The following DMD variants were observed in gnomAD, a reference collection of about 807,000 sequenced individuals.
The protein encoded by DMD is mutant dystrophin.
DMD carries 63 observed loss-of-function variants against 330.1 expected under a neutral mutation model. That is an observed-to-expected ratio of 0.19 (90% CI 0.16 to 0.24). The LOEUF is 0.24. Among genes scored for constraint, DMD ranks in the 10% least tolerant of loss-of-function variants. The pLI, the probability that DMD is intolerant of heterozygous loss-of-function variation, is 1.00. For missense variants in DMD, 3,344 were observed against 2,684.1 expected (o/e 1.25, Z -5.43); for synonymous variants, 1,223 against 959.8 (o/e 1.27, Z -5.07).
At chrX:31,370,004 C>A (rs2059457860) in intron 60 of DMD, among the ~76,000 whole-genome samples, 1 of 105,971 alleles carries the variant, frequency 9.4e-6, no homozygotes, top group East Asian at 2.9e-4. Flanking sequence ...GAGGCTGAGG[C>A]AGGAGAATGG....
At chrX:32,169,297 A>G (rs1375996798) in intron 44 of DMD, among the ~76,000 whole-genome samples, 3 of 111,676 alleles carry the variant, frequency 2.7e-5, no homozygotes, top group African/African-American at 9.8e-5. Context: ...TTTAGAAATA[A>G]TTGCCTAGAC....
intron 60 of DMD, among the ~76,000 whole-genome samples, chrX:31,366,507 A>AAAAAAAAAAAAAT (rs1556574494): frequency 3.5e-5 from 3 of 85,913 alleles, no homozygotes; most frequent in Admixed American, 1.3e-4. Context: ...CATAAAAAAA[A>AAAAAAAAAAAAAT]AAATAAATAA....
chrX:33,109,498 A>G (rs1416500859), intron 1 of DMD, among the ~76,000 whole-genome samples: 1 of 111,925 alleles, frequency 8.9e-6, no homozygotes, highest in Non-Finnish European at 1.9e-5. Flanking sequence ...AGCCAAATAA[A>G]GCACACATTT....
At chrX:31,953,673 A>T (rs73213548) in intron 45 of DMD, among the ~76,000 whole-genome samples, 6,102 of 110,940 alleles carry the variant, frequency 0.055, 162 homozygotes, top group Non-Finnish European at 0.082. Context: ...ACTTCTAAGC[A>T]CCTACTCATG....
chrX:32,398,263 ACCC>A (rs149357713), intron 30 of DMD, among the ~76,000 whole-genome samples: 4 of 92,172 alleles, frequency 4.3e-5, no homozygotes, highest in African/African-American at 1.1e-4. Context: ...CTTTTTTTAA[ACCC>A]CCCCCCCCAA....
intron 1 of DMD, among the ~76,000 whole-genome samples, chrX:33,053,043 C>T (rs941883897): frequency 8.9e-6 from 1 of 111,758 alleles, no homozygotes; most frequent in Non-Finnish European, 1.9e-5. Context: ...ATCTTTTAGA[C>T]AATACTTTTT....
rs1276710051 is a variant in DMD, at chrX:32,998,228, G to A, written c.93+21911C>T. ...AGTAAAAAAAATAATAAATTAGCCCGGCATGGTGGTGCATGCCTGTAGCTA... is the reference window on the plus strand; with the variant it reads ...AGTAAAAAAAATAATAAATTAGCCCAGCATGGTGGTGCATGCCTGTAGCTA... On this transcript the variant is annotated intron_variant, in intron 2 of 78. Transcript: ENST00000357033. 1.0e-4 allele frequency among the ~76,000 whole-genome samples: 11 copies of A among 107,721 alleles called. 1 individual carries two copies. Among genetic ancestry groups the A allele is most frequent in the Admixed American group, 3.0e-4 (3 of 9,887 alleles). The allele number at this position is 107,721 out of a possible 115,157, so 93.5% of individuals were successfully genotyped here. A position where few individuals can be genotyped will look rare whatever the true frequency, so the allele number is the denominator to read the frequency against.
intron 6 of DMD, 53 bp from the exon 7 acceptor site, chrX:32,809,664 G>C: frequency 9.6e-7 from 1 of 1,037,293 alleles, no homozygotes; most frequent in Non-Finnish European, 1.4e-6. Context: ...AATCAATCTA[G>C]AATGTTCCAT....
At chrX:31,919,770 C>T (rs1000738409) in intron 47 of DMD, among the ~76,000 whole-genome samples, 2 of 112,140 alleles carry the variant, frequency 1.8e-5, no homozygotes, top group Non-Finnish European at 3.8e-5. Context: ...CAAATTTCTC[C>T]ATCAGGCCCT....
chrX:32,576,625 A>C (rs774219344), intron 13 of DMD, among the ~76,000 whole-genome samples: 2 of 79,542 alleles, frequency 2.5e-5, no homozygotes, highest in African/African-American at 3.6e-5. Flanking sequence ...CATGCAATTT[A>C]AAATTTATGA....
At chrX:32,102,427 A>G (rs1245240072) in intron 44 of DMD, among the ~76,000 whole-genome samples, 1 of 111,549 alleles carries the variant, frequency 9.0e-6, no homozygotes, top group Non-Finnish European at 1.9e-5. Context: ...AGGTGGATGA[A>G]GGACAGACTG....
intron 2 of DMD, among the ~76,000 whole-genome samples, chrX:32,935,025 C>T (rs2089887674): frequency 8.8e-6 from 1 of 113,278 alleles, no homozygotes; most frequent in Non-Finnish European, 1.9e-5. Context: ...CTTCCCCAGG[C>T]TGGAGCGCAG....
At chrX:32,556,087 A>T (rs1291765576) in intron 16 of DMD, among the ~76,000 whole-genome samples, 1 of 111,935 alleles carries the variant, frequency 8.9e-6, no homozygotes, top group Admixed American at 9.5e-5. Flanking sequence ...AATGGTCCAG[A>T]GTCTACAAGG....
intron 18 of DMD, among the ~76,000 whole-genome samples, chrX:32,507,943 T>G (rs909172769): frequency 9.0e-6 from 1 of 110,929 alleles, no homozygotes. Context: ...CAGCTTTCTT[T>G]CAGACATGCT....
At chrX:32,010,890 T>C (rs2095703035) in intron 44 of DMD, among the ~76,000 whole-genome samples, 1 of 112,345 alleles carries the variant, frequency 8.9e-6, no homozygotes, top group Non-Finnish European at 1.9e-5. Context: ...CTACAGGAGC[T>C]ACCCAATAAA....
rs370863207 is a variant in DMD, at chrX:31,163,875, G to A, written c.10553+5568C>T. ...GAGAAAACCAGAGTGAACACTGCAC[G>A]ACACTGTGTGAAGTAACCCCAACAA... On this transcript the variant is annotated intron_variant, in intron 74 of 78. Coordinates refer to ENST00000357033, the MANE Select transcript of DMD (RefSeq NM_004006.3). Among the ~76,000 whole-genome samples, 89 of 111,610 alleles carry A rather than the reference G, an allele frequency of 8.0e-4. 1 individual carries two copies. In the South Asian group the frequency reaches 0.018, roughly 23 times the overall value.
intron 47 of DMD, among the ~76,000 whole-genome samples, chrX:31,916,768 G>A (rs187736177): frequency 5.4e-5 from 6 of 111,724 alleles, no homozygotes; most frequent in African/African-American, 1.3e-4. Flanking sequence ...GAGTGGAGGT[G>A]AGCTTCTTGC....
At chrX:31,825,396 T>C (rs1164013716) in intron 49 of DMD, among the ~76,000 whole-genome samples, 2 of 111,549 alleles carry the variant, frequency 1.8e-5, no homozygotes, top group East Asian at 2.8e-4. Context: ...GAGATAGTGA[T>C]AGATTAGGGA....
chrX:32,083,523 C>G (rs1371431482), intron 44 of DMD, among the ~76,000 whole-genome samples: 2 of 111,505 alleles, frequency 1.8e-5, no homozygotes, highest in African/African-American at 6.5e-5. Flanking sequence ...TCCCAAAGTG[C>G]TGGGATTACA....
Sources: allele counts gnomAD v4.1 joint callset (sites outside exome capture counted in the v4.1 genomes callset), GRCh38; gene constraint gnomAD v4.1.1; transcripts MANE v1.5; gene names NCBI Gene and HGNC (gene_info 2026-07-23, HGNC 2026-07-21).